TSPAN8: variants seen among roughly 807,000 people sequenced by gnomAD.
TSPAN8 encodes tetraspanin-8.
TSPAN8 carries 21 observed loss-of-function variants against 32.8 expected under a neutral mutation model. The ratio of observed to expected loss-of-function variants is 0.64; its 90% CI spans 0.45 to 0.92. TSPAN8 has a LOEUF of 0.92. Among genes scored for constraint, TSPAN8 ranks in the 40% least tolerant of loss-of-function variants. The pLI is 0.00. For synonymous variants in TSPAN8, 95 were observed against 94.6 expected (o/e 1.00, Z -0.03); for missense variants, 269 against 281.9 (o/e 0.95, Z 0.33).
chr12:71,157,224 A>C (rs1800522502), intron 2 of TSPAN8: 1 of 168,392 alleles, frequency 5.9e-6, no homozygotes, highest in African/African-American at 2.4e-5. Context: ...CCCAGAAGTG[A>C]AGGGCGGGAA....
At chr12:71,136,170 G>A (rs915827028) in intron 6 of TSPAN8, among the ~76,000 whole-genome samples, 11 of 151,632 alleles carry the variant, frequency 7.3e-5, no homozygotes, top group African/African-American at 2.7e-4. Flanking sequence ...TTTAGGAGTC[G>A]AACAATAGCC....
At chr12:71,150,056 G>T (rs1221185074) in intron 2 of TSPAN8, among the ~76,000 whole-genome samples, 2 of 152,188 alleles carry the variant, frequency 1.3e-5, no homozygotes, top group Non-Finnish European at 2.9e-5. Flanking sequence ...TTCTCCGGGA[G>T]TGTCTGTCTT....
intron 8 of TSPAN8, among the ~76,000 whole-genome samples, chr12:71,126,500 C>T (rs1871353213): frequency 6.6e-6 from 1 of 152,000 alleles, no homozygotes; most frequent in Non-Finnish European, 1.5e-5. Context: ...AATTTATCAG[C>T]AGACTAGATA....
intron 6 of TSPAN8, among the ~76,000 whole-genome samples, chr12:71,135,603 C>T (rs1219955165): frequency 6.6e-6 from 1 of 151,988 alleles, no homozygotes; most frequent in African/African-American, 2.4e-5. Context: ...GAAATATAGT[C>T]CTAGGAACAC....
intron 2 of TSPAN8, 93 bp downstream of exon 2, chr12:71,157,526 A>G (rs1005295173): frequency 7.1e-6 from 6 of 844,636 alleles, no homozygotes; most frequent in Non-Finnish European, 1.2e-5. Flanking sequence ...CCCTTCTCTT[A>G]TTTCTCTAGT....
At chr12:71,145,802 C>G (rs1592407931) in intron 2 of TSPAN8, among the ~76,000 whole-genome samples, 1 of 152,070 alleles carries the variant, frequency 6.6e-6, no homozygotes. Context: ...TTTTCACAAG[C>G]AGATTCATAA....
At chr12:71,140,376 CA>C (rs1871864734) in intron 3 of TSPAN8, among the ~76,000 whole-genome samples, 1 of 152,062 alleles carries the variant, frequency 6.6e-6, no homozygotes, top group African/African-American at 2.4e-5. Context: ...TTATAAAAAT[CA>C]AAGCAGTGCT....
At chr12:71,156,250 C>CAAAAAAAAAAAAAAAAAAAAA (rs763217771) in intron 2 of TSPAN8, among the ~76,000 whole-genome samples, 9 of 24,368 alleles carry the variant, frequency 3.7e-4, no homozygotes, top group African/African-American at 1.2e-3. Flanking sequence ...CAAAGTTCTC[C>CAAAAAAAAAAAAAAAAAAAAA]AAAAAAAAAA....
chr12:71,136,634 G>T (rs2137050532), intron 6 of TSPAN8, among the ~76,000 whole-genome samples: 1 of 152,284 alleles, frequency 6.6e-6, no homozygotes. Context: ...ACTTAGTAAA[G>T]TTAAAATATT....
intron 2 of TSPAN8, among the ~76,000 whole-genome samples, chr12:71,150,052 G>A (rs998123139): frequency 6.6e-6 from 1 of 152,152 alleles, no homozygotes; most frequent in African/African-American, 2.4e-5. Flanking sequence ...CAGCTTCTCC[G>A]GGAGTGTCTG....
intron 3 of TSPAN8, 33 bp downstream of exon 3, chr12:71,144,118 T>TG (rs1329508890): frequency 1.3e-6 from 2 of 1,583,412 alleles, no homozygotes; most frequent in Non-Finnish European, 1.7e-6. Flanking sequence ...TAAACTACAT[T>TG]GGGGAAAGGG....
chr12:71,140,836 C>G (rs970880897), intron 3 of TSPAN8, among the ~76,000 whole-genome samples: 3 of 152,212 alleles, frequency 2.0e-5, no homozygotes, highest in Non-Finnish European at 2.9e-5. Context: ...TAACCTCTAT[C>G]TACTGGGCTG....
intron 6 of TSPAN8, 104 bp downstream of exon 6, chr12:71,137,849 G>C: frequency 9.6e-7 from 1 of 1,040,690 alleles, no homozygotes; most frequent in Non-Finnish European, 1.4e-6. Context: ...ATCAAAATCT[G>C]CAAAATGGAG....
At position 71,129,307 on chromosome 12, in the gene TSPAN8, C is replaced by T. The variant is rs185854183; in HGVS notation, c.660+24G>A. ...TGAACAAGCAAGGGAATAAAAGAGT[C>T]AATAATACAAGATTATACTGTACCT... On this transcript the variant is annotated intron_variant, in intron 8 of 8. Coordinates refer to ENST00000247829, the MANE Select transcript of TSPAN8 (RefSeq NM_004616.3). The T allele has an allele frequency of 5.3e-6, 8 of 1,510,760 alleles. No individual in the cohort carries two copies. In the African/African-American group the frequency reaches 1.0e-4, roughly 19 times the overall value. The allele number at this position is 1,510,760 out of a possible 1,614,324, so 93.6% of individuals were successfully genotyped here. A position where few individuals can be genotyped will look rare whatever the true frequency, so the allele number is the denominator to read the frequency against.
intron 7 of TSPAN8, among the ~76,000 whole-genome samples, chr12:71,131,393 A>G (rs928862938): frequency 3.3e-4 from 50 of 152,256 alleles, no homozygotes; most frequent in African/African-American, 1.1e-3. Context: ...CCTTCAGGGC[A>G]GAGCCTCTTT....
intron 8 of TSPAN8, among the ~76,000 whole-genome samples, chr12:71,125,780 AG>A (rs1181728173): frequency 2.0e-5 from 3 of 152,196 alleles, no homozygotes; most frequent in Admixed American, 6.5e-5. Flanking sequence ...TTCCATAAAA[AG>A]GTTATGATCA....
chr12:71,144,102 A>G (rs776319547), intron 3 of TSPAN8, 49 bp downstream of exon 3: 18 of 1,517,474 alleles, frequency 1.2e-5, no homozygotes, highest in Admixed American at 3.9e-5. Context: ...ATTATTATAA[A>G]TGAAATAAAC....
At chr12:71,154,032 G>A (rs1432864931) in intron 2 of TSPAN8, among the ~76,000 whole-genome samples, 1 of 152,112 alleles carries the variant, frequency 6.6e-6, no homozygotes, top group Admixed American at 6.5e-5. Flanking sequence ...GCTCTGGCCA[G>A]GCGCGGTGCC....
chr12:71,133,442 C>T (rs1191770617), intron 6 of TSPAN8, among the ~76,000 whole-genome samples: 1 of 151,922 alleles, frequency 6.6e-6, no homozygotes, highest in Non-Finnish European at 1.5e-5. Flanking sequence ...TAGATATTGT[C>T]AAAAAAGTTT....
Sources: allele counts gnomAD v4.1 joint callset (sites outside exome capture counted in the v4.1 genomes callset), GRCh38; gene constraint gnomAD v4.1.1; transcripts MANE v1.5; gene names NCBI Gene and HGNC (gene_info 2026-07-23, HGNC 2026-07-21).